Variants in ZRANB1 observed in about 807,000 individuals in gnomAD.
ZRANB1 encodes the protein zinc finger RANBP2-type containing 1, also known as ubiquitin thioesterase ZRANB1.
A neutral mutation model predicts 80.5 loss-of-function variants in ZRANB1; 16 were observed. The ratio of observed to expected loss-of-function variants is 0.20; its 90% CI spans 0.13 to 0.30. ZRANB1 has a LOEUF of 0.30. Ranked by LOEUF, ZRANB1 falls within the 10% of genes least tolerant of loss-of-function variation. ZRANB1 has a pLI of 1.00. For missense variants in ZRANB1, 576 were observed against 862.6 expected (o/e 0.67, Z 4.16); for synonymous variants, 291 against 293.1 (o/e 0.99, Z 0.07).
chr10:124,982,935 T>C (rs1951952507), intron 6 of ZRANB1, among the ~76,000 whole-genome samples: 2 of 152,260 alleles, frequency 1.3e-5, no homozygotes, highest in Non-Finnish European at 2.9e-5. Context: ...AAAGTATGTA[T>C]GCACATCTGT....
intron 1 of ZRANB1, among the ~76,000 whole-genome samples, chr10:124,953,269 T>G (rs979301547): frequency 6.6e-5 from 10 of 152,120 alleles, no homozygotes; most frequent in African/African-American, 2.4e-4. Flanking sequence ...AAATTTTACT[T>G]AATTTTCACC....
the ZRANB1 span, chr10:124,917,184 C>T: frequency 1.3e-5 from 2 of 155,604 alleles, no homozygotes; most frequent in Non-Finnish European, 2.7e-5. Flanking sequence ...TCGCCGCTGC[C>T]GCCGCCGCCG....
Position 124,985,000 on chromosome 10 carries a change from A to AAT in ZRANB1, c.*9_*10dup, listed in dbSNP as rs1467384534. On this transcript the variant is annotated 3_prime_UTR_variant, in exon 9 of 9. Coordinates refer to ENST00000359653, the MANE Select transcript of ZRANB1 (RefSeq NM_017580.3). Reference sequence around the variant, plus strand: ...GATGATGAAGATGAATGAAAAAAAAAATCAAACAGCAGAAGACCAAGGCAT... The same window carrying AAT: ...GATGATGAAGATGAATGAAAAAAAAAATATCAAACAGCAGAAGACCAAGGCAT... 3.1e-6 allele frequency: 5 copies of AAT among 1,598,800 alleles called. No individual in the cohort carries two copies. In the Admixed American group the frequency reaches 8.5e-5, roughly 27 times the overall value.
rs1468255735 is a variant in ZRANB1, at chr10:124,985,823, G to A, written c.*831G>A. On this transcript the variant is annotated 3_prime_UTR_variant, in exon 9 of 9. Coordinates refer to ENST00000359653, the MANE Select transcript of ZRANB1 (RefSeq NM_017580.3). ...CCACTTGTCACTAAATGAATTGTGT[G>A]AAATGTGCTCACTTGGACTCCATCA... is the stretch of plus-strand genomic sequence containing the variant. 1 of 152,198 alleles carries A rather than the reference G, an allele frequency of 6.6e-6. No individual in the cohort carries two copies. The highest frequency in any genetic ancestry group is 1.5e-5 in the Non-Finnish European group (1 of 68,038). The allele number at this position is 152,198 out of a possible 1,614,324, so 9.4% of individuals were successfully genotyped here.
chr10:124,964,369 C>T (rs1415808919), intron 1 of ZRANB1, among the ~76,000 whole-genome samples: 1 of 152,156 alleles, frequency 6.6e-6, no homozygotes, highest in African/African-American at 2.4e-5. Context: ...CTCTCAGAGA[C>T]ATTAGAGAGG....
chr10:124,975,386 T>G (rs1199395321), intron 5 of ZRANB1, among the ~76,000 whole-genome samples: 1 of 152,198 alleles, frequency 6.6e-6, no homozygotes, highest in African/African-American at 2.4e-5. Flanking sequence ...CATACATCTT[T>G]CCAGAATAAG....
In ZRANB1 at chr10:124,986,066, G is replaced by A. The variant is rs1213722480; in HGVS notation, c.*1074G>A. The A allele has an allele frequency of 2.0e-5, 3 of 152,534 alleles. No individual in the cohort carries two copies. The highest frequency in any genetic ancestry group is 7.2e-5 in the African/African-American group (3 of 41,432). The allele number at this position is 152,534 out of a possible 1,614,324, so 9.4% of individuals were successfully genotyped here. On this transcript the variant is annotated 3_prime_UTR_variant, in exon 9 of 9. Transcript: ENST00000359653. ...TTTAGTCTGAGAATTTTTGCATGTT[G>A]GTTAATTGTGGCCATTCTTTAATTT...
the ZRANB1 span, among the ~76,000 whole-genome samples, chr10:124,919,785 G>A: frequency 6.8e-6 from 1 of 147,876 alleles, no homozygotes; most frequent in African/African-American, 2.5e-5. Context: ...CTAATTTTTT[G>A]TATTTTTAGT....
intron 5 of ZRANB1, among the ~76,000 whole-genome samples, chr10:124,975,474 A>T (rs535937739): frequency 6.6e-6 from 1 of 152,348 alleles, no homozygotes; most frequent in East Asian, 1.9e-4. Context: ...AACAGTTCAT[A>T]ATCACATTTC....
At chr10:124,970,821 A>G (rs964801387) in intron 2 of ZRANB1, among the ~76,000 whole-genome samples, 3 of 124,840 alleles carry the variant, frequency 2.4e-5, no homozygotes, top group Non-Finnish European at 3.3e-5. Flanking sequence ...TTCCCACGGT[A>G]TTCTCTTTGG....
In ZRANB1 at chr10:124,983,436, G is replaced by C; in HGVS notation, c.1679-23G>C. On this transcript the variant is annotated intron_variant, in intron 7 of 8. Transcript: ENST00000359653. This position sits in a 1 kb window ranked among gnomAD's most constrained non-coding sequence, Gnocchi z 6.2. ...GGCTCTTTCTTCCTGTGACTGTTGG[G>C]ATTTTCTTCCCTCTCTTTCCAGGTG... The C allele has an allele frequency of 1.2e-6, 2 of 1,601,276 alleles. No homozygotes were observed. Among genetic ancestry groups the C allele is most frequent in the East Asian group, 2.2e-5 (1 of 44,622 alleles).
upstream of ZRANB1, among the ~76,000 whole-genome samples, chr10:124,941,436 C>T (rs974403016): frequency 3.9e-5 from 6 of 152,102 alleles, no homozygotes; most frequent in African/African-American, 1.4e-4. Context: ...TCACTGCAAC[C>T]TCTGCCTGCC....
At position 124,986,279 on chromosome 10, in the gene ZRANB1, ACGCGCG is replaced by A. The variant is rs72416239; in HGVS notation, c.*1295_*1300del. ...AGGAATTTGGAAAGACGACACACGCACGCGCGCGCGCGCACACACACACACACACAC... is the reference window on the plus strand; with the variant it reads ...AGGAATTTGGAAAGACGACACACGCACGCGCGCACACACACACACACACAC... On this transcript the variant is annotated 3_prime_UTR_variant, in exon 9 of 9. Coordinates refer to ENST00000359653, the MANE Select transcript of ZRANB1 (RefSeq NM_017580.3). The A allele has an allele frequency of 0.28, 31,034 of 112,082 alleles. 3,419 individuals are homozygous for A. Among genetic ancestry groups the A allele is most frequent in the East Asian group, 0.42 (1,725 of 4,148 alleles). The allele number at this position is 112,082 out of a possible 1,614,324, so 6.9% of individuals were successfully genotyped here. A position where few individuals can be genotyped will look rare whatever the true frequency, so the allele number is the denominator to read the frequency against.
rs1222447761 is a variant in ZRANB1 at position 124,987,224 on chromosome 10, T to C, written c.*2232T>C. On this transcript the variant is annotated 3_prime_UTR_variant, in exon 9 of 9. Coordinates refer to ENST00000359653, the MANE Select transcript of ZRANB1 (RefSeq NM_017580.3). Reference sequence around the variant, plus strand: ...TATAGTCCTTTTTCAAAGATGATTATACGTGGCTAGGTGACAGACATTAAT... The same window carrying C: ...TATAGTCCTTTTTCAAAGATGATTACACGTGGCTAGGTGACAGACATTAAT... 4 of 152,604 alleles carry C rather than the reference T, an allele frequency of 2.6e-5. No homozygotes were observed. Among genetic ancestry groups the C allele is most frequent in the Non-Finnish European group, 4.4e-5 (3 of 68,040 alleles). The allele number at this position is 152,604 out of a possible 1,614,324, so 9.5% of individuals were successfully genotyped here. A position where few individuals can be genotyped will look rare whatever the true frequency, so the allele number is the denominator to read the frequency against.
At chr10:124,944,291 T>G (rs534996677) in intron 1 of ZRANB1, among the ~76,000 whole-genome samples, 4 of 152,184 alleles carry the variant, frequency 2.6e-5, no homozygotes, top group Non-Finnish European at 5.9e-5. Flanking sequence ...ATTACTAAGT[T>G]TAAACTTTGT....
chr10:124,974,162 G>T (rs770523190), intron 4 of ZRANB1, 38 bp from the exon 5 acceptor site: 1 of 1,599,694 alleles, frequency 6.3e-7, no homozygotes, highest in Non-Finnish European at 8.6e-7. Flanking sequence ...TAATGACATA[G>T]GTATGGAAAT....
At chr10:124,975,808 C>T (rs1229720052) in intron 5 of ZRANB1, among the ~76,000 whole-genome samples, 1 of 152,148 alleles carries the variant, frequency 6.6e-6, no homozygotes. Context: ...TCAAGACCAG[C>T]CTGGCCAACT....
chr10:124,918,790 CT>C, the ZRANB1 span, among the ~76,000 whole-genome samples: 1 of 152,206 alleles, frequency 6.6e-6, no homozygotes, highest in African/African-American at 2.4e-5. Flanking sequence ...ATCCTATTGA[CT>C]TTTGGCTCTA....
At chr10:124,962,066 T>A (rs1951738389) in intron 1 of ZRANB1, among the ~76,000 whole-genome samples, 1 of 152,234 alleles carries the variant, frequency 6.6e-6, no homozygotes, top group African/African-American at 2.4e-5. Flanking sequence ...CTCATTAGTT[T>A]TGAAAGAGTT....
Sources: gnomAD v4.1 joint callset for allele counts (sites outside exome capture counted in the v4.1 genomes callset) on GRCh38, gnomAD v4.1.1 for gene constraint, Gnocchi (gnomAD v3.1) non-coding constraint, MANE v1.5 for transcripts, NCBI Gene and HGNC (gene_info 2026-07-23, HGNC 2026-07-21) for gene names.